Variants in BIN2 observed in about 807,000 individuals in gnomAD.
BIN2 encodes the protein bridging integrator 2, also known as breast cancer associated protein BRAP1.
A neutral mutation model predicts 67.9 loss-of-function variants in BIN2; 43 were observed. The observed-to-expected ratio is 0.63, with a 90% CI of 0.50 to 0.82. The LOEUF (loss-of-function observed/expected upper bound fraction) is 0.82, where lower values mean the gene tolerates loss of function less well. Ranked by LOEUF, BIN2 falls within the 40% of genes least tolerant of loss-of-function variation. The pLI is 0.00. For missense variants in BIN2, 581 were observed against 671.6 expected, an observed-to-expected ratio of 0.87 and a Z score of 1.49; for synonymous variants, 244 against 246.8, an observed-to-expected ratio of 0.99 and a Z score of 0.11.
At chr12:51,316,528 T>C (rs1297595362) in intron 1 of BIN2, among the ~76,000 whole-genome samples, 9 of 152,008 alleles carry the variant, frequency 5.9e-5, no homozygotes, top group African/African-American at 2.2e-4. Context: ...AATATGTATC[T>C]TTAAGTAATA....
At chr12:51,295,093 C>T (rs1010988933) in intron 9 of BIN2, among the ~76,000 whole-genome samples, 4 of 151,932 alleles carry the variant, frequency 2.6e-5, no homozygotes, top group Non-Finnish European at 5.9e-5. Context: ...CCACCTTGCC[C>T]GGCTAATTTT....
At chr12:51,324,317 C>G (rs1020906197), upstream of BIN2, 6 of 1,353,360 alleles carry the variant, frequency 4.4e-6, no homozygotes, top group African/African-American at 6.0e-5. Context: ...GGCCTACCCT[C>G]AGGCAGCGCT....
chr12:51,294,219 CA>C (rs1225009482), intron 9 of BIN2, among the ~76,000 whole-genome samples: 21 of 152,226 alleles, frequency 1.4e-4, no homozygotes, highest in African/African-American at 4.6e-4. Flanking sequence ...ACTAAGAGAA[CA>C]AAAGAAGTTG....
At chr12:51,324,301 G>GC (rs1480925858), upstream of BIN2, 20 of 1,373,840 alleles carry the variant, frequency 1.5e-5, no homozygotes, top group East Asian at 3.8e-4. Flanking sequence ...GGAGGGGCGG[G>GC]CCCGGGGCCT....
At chr12:51,286,876 T>C (rs1592248469) in intron 11 of BIN2, among the ~76,000 whole-genome samples, 1 of 152,286 alleles carries the variant, frequency 6.6e-6, no homozygotes, top group East Asian at 1.9e-4. Flanking sequence ...CAGGCTGGAG[T>C]GCAGTGGCGT....
At chr12:51,293,454 C>T (rs560173485) in intron 9 of BIN2, among the ~76,000 whole-genome samples, 22 of 152,222 alleles carry the variant, frequency 1.4e-4, no homozygotes, top group East Asian at 7.7e-4. Flanking sequence ...GGACTACAGG[C>T]GCCCGCCACC....
At chr12:51,306,427 G>C (rs185777778) in intron 2 of BIN2, among the ~76,000 whole-genome samples, 2 of 152,306 alleles carry the variant, frequency 1.3e-5, no homozygotes, top group Admixed American at 1.3e-4. Flanking sequence ...AGGAGTTCAA[G>C]ACCAGCCTGG....
chr12:51,293,477 T>A (rs1218351061), intron 9 of BIN2, among the ~76,000 whole-genome samples: 1 of 150,712 alleles, frequency 6.6e-6, no homozygotes. Context: ...GCCCAGCTAA[T>A]TTTTTTTTGT....
At chr12:51,317,484 A>C (rs554377775) in intron 1 of BIN2, among the ~76,000 whole-genome samples, 1 of 151,816 alleles carries the variant, frequency 6.6e-6, no homozygotes, top group Admixed American at 6.6e-5. Context: ...CCTGACCAAC[A>C]TGGTGAAACC....
rs766209007 is a variant in BIN2 at position 51,295,879 on chromosome 12, C to T, written c.679-1G>A. On this transcript the variant is annotated splice_acceptor_variant, in intron 8 of 12. Coordinates refer to ENST00000615107, the MANE Select transcript of BIN2 (RefSeq NM_016293.4). LOFTEE classifies it high-confidence loss of function. ...TCACCTCGTAGAGATTGTGGTTCAG[C>T]TAGAGCCAATAAGAAAGAAGGGGAT... 3.7e-6 allele frequency: 6 copies of T among 1,612,146 alleles called. No individual in the cohort carries two copies. The South Asian group carries it at 5.5e-5, about 15-fold the overall frequency.
At chr12:51,298,478 G>T (rs561383514) in intron 7 of BIN2, among the ~76,000 whole-genome samples, 1 of 152,056 alleles carries the variant, frequency 6.6e-6, no homozygotes, top group South Asian at 2.1e-4. Flanking sequence ...GCTTGAACCC[G>T]GGAGGCATAG....
At chr12:51,290,047 T>A (rs1287989298) in intron 10 of BIN2, among the ~76,000 whole-genome samples, 1 of 151,932 alleles carries the variant, frequency 6.6e-6, no homozygotes, top group Non-Finnish European at 1.5e-5. Flanking sequence ...TTCCAACTAT[T>A]GGTCCTTTAT....
At chr12:51,305,334 T>G (rs1372168792) in intron 2 of BIN2, among the ~76,000 whole-genome samples, 1 of 140,858 alleles carries the variant, frequency 7.1e-6, no homozygotes. Flanking sequence ...AAATAAAAAA[T>G]TATGGGAAAG....
Position 51,281,362 on chromosome 12 carries a change from G to T in BIN2, c.*137C>A. 1 of 922,188 alleles carries T rather than the reference G, an allele frequency of 1.1e-6. No individual in the cohort carries two copies. The highest frequency in any genetic ancestry group is 1.5e-5 in the South Asian group (1 of 68,918). The allele number at this position is 922,188 out of a possible 1,614,324, so 57.1% of individuals were successfully genotyped here. ...TGCTCCTCCGCCTCCATTAATGCCA[G>T]GTCTTTAGACAGCACCAGCATTCCT... On this transcript the variant is annotated 3_prime_UTR_variant, in exon 13 of 13. Coordinates refer to ENST00000615107, the MANE Select transcript of BIN2 (RefSeq NM_016293.4).
intron 4 of BIN2, 155 bp downstream of exon 4, chr12:51,302,531 G>C (rs1945753625): frequency 1.5e-6 from 1 of 680,000 alleles, no homozygotes; most frequent in African/African-American, 1.8e-5. Context: ...AACAGTTGTA[G>C]CTTCTTCCTA....
chr12:51,281,953 T>G (rs1376593984), intron 12 of BIN2, among the ~76,000 whole-genome samples: 1 of 152,108 alleles, frequency 6.6e-6, no homozygotes. Flanking sequence ...TAGAATGGTC[T>G]TGAACTCCTG....
intron 1 of BIN2, among the ~76,000 whole-genome samples, chr12:51,316,927 A>G (rs2137440105): frequency 6.6e-6 from 1 of 152,150 alleles, no homozygotes; most frequent in Non-Finnish European, 1.5e-5. Context: ...CCCAGGCTGG[A>G]GTACAATGGC....
chr12:51,323,281 G>A (rs1278812360), intron 1 of BIN2: 2 of 152,208 alleles, frequency 1.3e-5, no homozygotes, highest in East Asian at 3.8e-4. Flanking sequence ...AAACAAAAAT[G>A]CCATCAAAAT....
At chr12:51,282,500 T>C (rs1592244144) in intron 12 of BIN2, among the ~76,000 whole-genome samples, 2 of 152,228 alleles carry the variant, frequency 1.3e-5, no homozygotes, top group African/African-American at 4.8e-5. Flanking sequence ...GTAAAAAGTA[T>C]AGCACATGCA....
Sources: gnomAD v4.1 joint callset for allele counts (sites outside exome capture counted in the v4.1 genomes callset) on GRCh38, gnomAD v4.1.1 for gene constraint, MANE v1.5 for transcripts, NCBI Gene and HGNC (gene_info 2026-07-23, HGNC 2026-07-21) for gene names.